Variants in TLE2 observed in about 807,000 individuals in gnomAD.
TLE2 encodes TLE family member 2, transcriptional corepressor.
In TLE2, 74 loss-of-function variants were observed where a neutral mutation model predicts 97.2. That is an observed-to-expected ratio of 0.76 (90% CI 0.63 to 0.92). The LOEUF (loss-of-function observed/expected upper bound fraction) is 0.92, where lower values mean the gene tolerates loss of function less well. Ranked by LOEUF, TLE2 falls within the 40% of genes least tolerant of loss-of-function variation. TLE2 has a pLI of 0.00. For synonymous variants in TLE2, 499 were observed against 432.1 expected, an observed-to-expected ratio of 1.15 and a Z score of -1.92; for missense variants, 1,038 against 1,008.7, an observed-to-expected ratio of 1.03 and a Z score of -0.39.
At chr19:3,041,014 T>TATATATATATATG (rs55998855) in intron 1 of TLE2, among the ~76,000 whole-genome samples, 1 of 20,164 alleles carries the variant, frequency 5.0e-5, no homozygotes, top group Non-Finnish European at 8.4e-5. Context: ...TATATATATA[T>TATATATATATATG]TTTTTTTTTT....
Position 3,019,923 on chromosome 19 carries a change from C to T in TLE2, c.295-150G>A. 1 of 1,096,636 alleles carries T rather than the reference C, an allele frequency of 9.1e-7. No individual in the cohort carries two copies. The highest frequency in any genetic ancestry group is 1.3e-6 in the Non-Finnish European group (1 of 784,204). 67.9% of individuals were successfully genotyped at this position (1,096,636 alleles called of 1,614,324 possible). A position where few individuals can be genotyped will look rare whatever the true frequency, so the allele number is the denominator to read the frequency against. Reference sequence around the variant, plus strand: ...TTATCTTTTTCCCTCTCACTCTCTCCCTTTCCTTTTGGAATTTTGAAATAA... The same window carrying T: ...TTATCTTTTTCCCTCTCACTCTCTCTCTTTCCTTTTGGAATTTTGAAATAA... On this transcript the variant is annotated intron_variant, in intron 5 of 19. Transcript: ENST00000262953. This position sits in a 1 kb window ranked among gnomAD's most constrained non-coding sequence, Gnocchi z 5.1.
At chr19:3,023,057 T>TC (rs1568246969) in intron 5 of TLE2, among the ~76,000 whole-genome samples, 4 of 139,098 alleles carry the variant, frequency 2.9e-5, no homozygotes, top group African/African-American at 1.0e-4. Flanking sequence ...TTACCTAATC[T>TC]TTTTTTTTTT....
At chr19:3,023,118 G>A (rs891336218) in intron 5 of TLE2, among the ~76,000 whole-genome samples, 25 of 150,398 alleles carry the variant, frequency 1.7e-4, no homozygotes, top group African/African-American at 5.1e-4. Flanking sequence ...GCAATGGTGC[G>A]AACTCGGCTC....
intron 11 of TLE2, among the ~76,000 whole-genome samples, chr19:3,012,106 C>T (rs763356182): frequency 6.6e-6 from 1 of 151,720 alleles, no homozygotes; most frequent in African/African-American, 2.4e-5. Context: ...ATTAGCCAGG[C>T]GTGGTGGCAC....
chr19:3,035,055 G>C (rs1368934234), intron 1 of TLE2, among the ~76,000 whole-genome samples: 2 of 152,164 alleles, frequency 1.3e-5, no homozygotes, highest in Non-Finnish European at 2.9e-5. Flanking sequence ...GGTAAATACA[G>C]ATTTGTGGAT....
chr19:3,004,794 G>A (rs216276), intron 17 of TLE2, among the ~76,000 whole-genome samples: 28,683 of 151,812 alleles, frequency 0.19, 5,856 homozygotes, highest in African/African-American at 0.51. Context: ...GAGCTGTCCC[G>A]GAGTATGGTG....
intron 11 of TLE2, among the ~76,000 whole-genome samples, chr19:3,012,603 T>C (rs1399480843): frequency 6.6e-6 from 1 of 152,004 alleles, no homozygotes; most frequent in East Asian, 1.9e-4. Context: ...TATTCCCAGG[T>C]GAAGGAAGAG....
At position 2,997,837 on chromosome 19, in the gene TLE2, G is replaced by A; in HGVS notation, c.*11C>T. 3.8e-6 allele frequency: 6 copies of A among 1,587,572 alleles called. No individual in the cohort carries two copies. Among genetic ancestry groups the A allele is most frequent in the Non-Finnish European group, 5.2e-6 (6 of 1,161,942 alleles). On this transcript the variant is annotated 3_prime_UTR_variant, in exon 20 of 20. Transcript: ENST00000262953. ...AGTCTGGACTTCGGGTACAGGAAGG[G>A]GGGTCATGTCTCAGTAGACCACCTC...
intron 2 of TLE2, 105 bp from the exon 3 acceptor site, chr19:3,028,487 C>G: frequency 8.2e-7 from 1 of 1,222,036 alleles, no homozygotes; most frequent in Non-Finnish European, 1.1e-6. Flanking sequence ...CAGACCTCCC[C>G]CCACCTCCTG....
At chr19:3,024,135 G>A (rs1013404922) in intron 5 of TLE2, among the ~76,000 whole-genome samples, 14 of 151,240 alleles carry the variant, frequency 9.3e-5, no homozygotes, top group Middle Eastern at 6.8e-3. Context: ...CGAGTAGCTG[G>A]GATTACAGGC....
At chr19:3,018,013 G>A (rs753903069) in intron 7 of TLE2, among the ~76,000 whole-genome samples, 154 bp from the exon 8 acceptor site, 30 of 151,322 alleles carry the variant, frequency 2.0e-4, no homozygotes, top group Non-Finnish European at 3.7e-4. Flanking sequence ...CCTTGCAAGT[G>A]GTGGATTATC....
intron 5 of TLE2, among the ~76,000 whole-genome samples, chr19:3,023,492 T>TC (rs1203043716): frequency 6.6e-6 from 1 of 152,104 alleles, no homozygotes; most frequent in Non-Finnish European, 1.5e-5. Context: ...ACTGAGCATC[T>TC]CCCCTCTGGG....
At chr19:3,044,770 T>A (rs1305013852) in intron 1 of TLE2, among the ~76,000 whole-genome samples, 1 of 152,196 alleles carries the variant, frequency 6.6e-6, no homozygotes, top group African/African-American at 2.4e-5. Context: ...ACCTACTGTG[T>A]GCCAGGCATG....
Position 3,027,913 on chromosome 19 carries a change from A to G in TLE2, c.187-40T>C, listed in dbSNP as rs757287398. ...CCAAGTAAGAACGTCTAGGGTGGAG[A>G]TGGGTGCCCTCCTCCAGATAGGTGA... On this transcript the variant is annotated intron_variant, in intron 3 of 19. Coordinates refer to ENST00000262953, the MANE Select transcript of TLE2 (RefSeq NM_003260.5). The G allele has an allele frequency of 6.3e-6, 10 of 1,586,836 alleles. No individual in the cohort carries two copies. In the South Asian group the frequency reaches 1.1e-4, roughly 18 times the overall value.
chr19:3,040,367 G>A (rs1384257826), intron 1 of TLE2, among the ~76,000 whole-genome samples: 1 of 152,056 alleles, frequency 6.6e-6, no homozygotes, highest in African/African-American at 2.4e-5. Flanking sequence ...TTTTAAGACA[G>A]TCTCGCTCTG....
chr19:3,021,863 G>A (rs547222348), intron 5 of TLE2, among the ~76,000 whole-genome samples: 59 of 152,212 alleles, frequency 3.9e-4, no homozygotes, highest in African/African-American at 1.0e-3. Context: ...TATTACAGGT[G>A]TGAGCCACTG....
intron 14 of TLE2, among the ~76,000 whole-genome samples, chr19:3,008,599 C>T (rs4522524): frequency 0.39 from 59,362 of 151,928 alleles, 13,951 homozygotes; most frequent in East Asian, 0.64. Flanking sequence ...TACAGGTGCC[C>T]GCCACCACGT....
rs760002488 is a variant in TLE2, at chr19:3,025,100, G to A, written c.232-18C>T. 11 of 1,597,820 alleles carry A rather than the reference G, an allele frequency of 6.9e-6. No individual in the cohort carries two copies. Among genetic ancestry groups the A allele is most frequent in the Non-Finnish European group, 9.4e-6 (11 of 1,172,568 alleles). On this transcript the variant is annotated intron_variant, in intron 4 of 19. Coordinates refer to ENST00000262953, the MANE Select transcript of TLE2 (RefSeq NM_003260.5). ...ATCTCCGCCTGGCAGGAAGCAATGAGAGGAAGCTTGGAGCGGGGTAGAGAT... is the reference window on the plus strand; with the variant it reads ...ATCTCCGCCTGGCAGGAAGCAATGAAAGGAAGCTTGGAGCGGGGTAGAGAT...
chr19:3,020,373 C>T (rs541119781), intron 5 of TLE2: 6 of 152,338 alleles, frequency 3.9e-5, no homozygotes, highest in Non-Finnish European at 7.3e-5. Context: ...TCCCTGGCCT[C>T]CACCCACTCC....
Sources: gnomAD v4.1 joint callset for allele counts (sites outside exome capture counted in the v4.1 genomes callset) on GRCh38, gnomAD v4.1.1 for gene constraint, Gnocchi (gnomAD v3.1) non-coding constraint, MANE v1.5 for transcripts, NCBI Gene and HGNC (gene_info 2026-07-23, HGNC 2026-07-21) for gene names.